The following PKN2 variants were observed in gnomAD, a reference collection of about 807,000 sequenced individuals.
PKN2 encodes serine/threonine-protein kinase N2.
A neutral mutation model predicts 119.1 loss-of-function variants in PKN2; 38 were observed. The observed-to-expected ratio is 0.32, with a 90% CI of 0.25 to 0.42. The LOEUF (loss-of-function observed/expected upper bound fraction) is 0.42, where lower values mean the gene tolerates loss of function less well. Ranked by LOEUF, PKN2 falls within the 10% of genes least tolerant of loss-of-function variation. PKN2 has a pLI of 1.00. For synonymous variants in PKN2, 390 were observed against 384.9 expected (o/e 1.01, Z -0.15); for missense variants, 850 against 1,165.1 (o/e 0.73, Z 3.94).
intron 1 of PKN2, among the ~76,000 whole-genome samples, chr1:88,720,652 T>TG (rs1557563871): frequency 6.6e-6 from 1 of 152,134 alleles, no homozygotes; most frequent in Non-Finnish European, 1.5e-5. Flanking sequence ...CAACAGATTT[T>TG]GGGGGGAACA....
intron 3 of PKN2, among the ~76,000 whole-genome samples, chr1:88,762,808 C>T (rs569865051): frequency 3.3e-5 from 5 of 152,184 alleles, no homozygotes; most frequent in African/African-American, 1.2e-4. Flanking sequence ...AATGATTTGG[C>T]ATTTAATAAA....
Position 88,804,851 on chromosome 1 carries a change from C to CT in PKN2, c.1437dup (p.Asn480Ter), listed in dbSNP as rs1671471290. 2.6e-6 allele frequency: 4 copies of CT among 1,554,996 alleles called. No homozygotes were observed. Among genetic ancestry groups the CT allele is most frequent in the South Asian group, 1.2e-5 (1 of 85,542 alleles). ...TTGAATTTTCTTCACTGCAGGTTACCTTTTTTAATCCAGTTATTGAAAGAA... is the reference window on the plus strand; with the variant it reads ...TTGAATTTTCTTCACTGCAGGTTACCTTTTTTTAATCCAGTTATTGAAAGAA... On this transcript the variant is annotated frameshift_variant, in exon 10 of 22. Coordinates refer to ENST00000370521, the MANE Select transcript of PKN2 (RefSeq NM_006256.4). LOFTEE classifies it high-confidence loss of function.
intron 1 of PKN2, among the ~76,000 whole-genome samples, chr1:88,703,207 T>A (rs1023464843): frequency 6.6e-6 from 1 of 152,156 alleles, no homozygotes; most frequent in Non-Finnish European, 1.5e-5. Flanking sequence ...CCAAAGTTTT[T>A]TTTTAATGTA....
intron 2 of PKN2, among the ~76,000 whole-genome samples, chr1:88,749,038 G>A (rs542928305): frequency 9.9e-5 from 15 of 152,180 alleles, no homozygotes; most frequent in African/African-American, 3.4e-4. Flanking sequence ...CCAGCACTTG[G>A]TATTGTTAAT....
chr1:88,728,262 G>C (rs1667978129), intron 1 of PKN2, among the ~76,000 whole-genome samples: 1 of 152,046 alleles, frequency 6.6e-6, no homozygotes, highest in Non-Finnish European at 1.5e-5. Flanking sequence ...CCAGAAATTT[G>C]ACAGTTAATT....
chr1:88,688,172 A>G (rs35492837), intron 1 of PKN2, among the ~76,000 whole-genome samples: 61,763 of 151,264 alleles, frequency 0.41, 12,727 homozygotes, highest in Admixed American at 0.45. Context: ...TGCAATCTCC[A>G]CCTCCCAGGT....
chr1:88,767,545 A>G (rs1207593011), intron 3 of PKN2, among the ~76,000 whole-genome samples: 1 of 152,118 alleles, frequency 6.6e-6, no homozygotes, highest in Non-Finnish European at 1.5e-5. Context: ...AGCCTATTGC[A>G]CCTAGGCTGT....
chr1:88,740,318 A>G (rs1668527599), intron 1 of PKN2, among the ~76,000 whole-genome samples: 1 of 152,096 alleles, frequency 6.6e-6, no homozygotes, highest in African/African-American at 2.4e-5. Context: ...TATTTTGCCA[A>G]TATTCATTTA....
intron 8 of PKN2, among the ~76,000 whole-genome samples, chr1:88,802,586 A>G (rs1671366150): frequency 6.6e-6 from 1 of 152,210 alleles, no homozygotes; most frequent in Admixed American, 6.5e-5. Context: ...TCAACGTCCC[A>G]AAGTGCTGGG....
chr1:88,761,214 C>T (rs1669427221), intron 3 of PKN2, among the ~76,000 whole-genome samples: 2 of 152,120 alleles, frequency 1.3e-5, no homozygotes, highest in Admixed American at 6.5e-5. Flanking sequence ...CCTCAAGGTT[C>T]TCTTCAGCCT....
At chr1:88,751,009 A>G (rs1022277601) in intron 2 of PKN2, among the ~76,000 whole-genome samples, 1 of 152,142 alleles carries the variant, frequency 6.6e-6, no homozygotes, top group Non-Finnish European at 1.5e-5. Context: ...TTTTCAATGG[A>G]TCTTCATTTG....
chr1:88,788,572 AGTAG>A (rs1219518653), intron 8 of PKN2, among the ~76,000 whole-genome samples: 1 of 151,960 alleles, frequency 6.6e-6, no homozygotes, highest in Non-Finnish European at 1.5e-5. Flanking sequence ...TAGCCTCCTA[AGTAG>A]CTGGGATTAC....
intron 18 of PKN2, among the ~76,000 whole-genome samples, chr1:88,826,400 GT>G (rs1298867079): frequency 2.0e-5 from 3 of 152,076 alleles, no homozygotes; most frequent in African/African-American, 7.2e-5. Context: ...AAGGTAGATA[GT>G]TTTTTTGGAG....
At position 88,684,275 on chromosome 1, in the gene PKN2, G is replaced by C. The variant is rs1570467794; in HGVS notation, c.-306G>C. On this transcript the variant is annotated 5_prime_UTR_variant, in exon 1 of 22. Coordinates refer to ENST00000370521, the MANE Select transcript of PKN2 (RefSeq NM_006256.4). ...GTGCGACAGGAGGAGCTGCAGCCGC[G>C]GCCGCAGCGCCCGCACGGAGAGGCT... 2 of 343,052 alleles carry C rather than the reference G, an allele frequency of 5.8e-6. No homozygotes were observed. Among genetic ancestry groups the C allele is most frequent in the East Asian group, 9.2e-5 (2 of 21,710 alleles). The allele number at this position is 343,052 out of a possible 1,614,324, so 21.3% of individuals were successfully genotyped here.
intron 16 of PKN2, among the ~76,000 whole-genome samples, chr1:88,817,821 T>G (rs897859074): frequency 2.0e-5 from 3 of 152,050 alleles, no homozygotes; most frequent in African/African-American, 7.2e-5. Context: ...TAAGAGCTAT[T>G]TATGACAAAC....
intron 1 of PKN2, among the ~76,000 whole-genome samples, chr1:88,713,656 T>C (rs547255484): frequency 6.6e-6 from 1 of 152,360 alleles, no homozygotes; most frequent in African/African-American, 2.4e-5. Flanking sequence ...TTGTTTAAGT[T>C]CTTTGTAGAT....
chr1:88,817,680 G>T (rs1207367360), intron 16 of PKN2, among the ~76,000 whole-genome samples: 1 of 149,472 alleles, frequency 6.7e-6, no homozygotes, highest in East Asian at 2.0e-4. Context: ...CAGCACTCCA[G>T]TCTGGGCGAC....
chr1:88,750,173 T>G (rs1668932246), intron 2 of PKN2, among the ~76,000 whole-genome samples: 1 of 152,222 alleles, frequency 6.6e-6, no homozygotes, highest in African/African-American at 2.4e-5. Context: ...CAAGGCCATC[T>G]AAGTTTGAAC....
At chr1:88,722,887 C>T (rs1255643501) in intron 1 of PKN2, among the ~76,000 whole-genome samples, 2 of 152,066 alleles carry the variant, frequency 1.3e-5, no homozygotes, top group East Asian at 3.9e-4. Context: ...CTTAGAAAGC[C>T]TGTCTTATCA....
Sources: gnomAD v4.1 joint callset for allele counts (sites outside exome capture counted in the v4.1 genomes callset) on GRCh38, gnomAD v4.1.1 for gene constraint, MANE v1.5 for transcripts, NCBI Gene and HGNC (gene_info 2026-07-23, HGNC 2026-07-21) for gene names.